USP8: variants seen among roughly 807,000 people sequenced by gnomAD.
USP8 encodes the protein ubiquitin specific peptidase 8.
Under a neutral mutation model 130.0 loss-of-function variants are expected in USP8, and 27 were observed. The observed-to-expected ratio is 0.21, with a 90% CI of 0.15 to 0.29. USP8 has a LOEUF of 0.29. Ranked by LOEUF, USP8 falls within the 10% of genes least tolerant of loss-of-function variation. The probability of loss-of-function intolerance (pLI) is 1.00; values close to 1 mark genes in which losing one functional copy is unlikely to be tolerated. For missense variants in USP8, 1,029 were observed against 1,312.2 expected, an observed-to-expected ratio of 0.78 and a Z score of 3.33; for synonymous variants, 392 against 444.1, an observed-to-expected ratio of 0.88 and a Z score of 1.48.
At chr15:50,479,942 G>A (rs2051705333) in intron 10 of USP8, among the ~76,000 whole-genome samples, 1 of 151,888 alleles carries the variant, frequency 6.6e-6, no homozygotes, top group South Asian at 2.1e-4. Flanking sequence ...TATTTTTTTT[G>A]TAGAGATGGG....
intron 1 of USP8, among the ~76,000 whole-genome samples, chr15:50,437,165 T>C (rs2050116411): frequency 1.3e-5 from 2 of 152,178 alleles, no homozygotes; most frequent in Admixed American, 1.3e-4. Flanking sequence ...CTTAAAACTT[T>C]AAGTACATTT....
intron 16 of USP8, among the ~76,000 whole-genome samples, chr15:50,495,093 A>C (rs1276194807): frequency 2.0e-5 from 3 of 151,716 alleles, no homozygotes; most frequent in Non-Finnish European, 4.4e-5. Flanking sequence ...GCATGTATGT[A>C]TACATAAATG....
At chr15:50,493,819 C>A in intron 15 of USP8, 1 of 628,554 alleles carries the variant, frequency 1.6e-6, no homozygotes, top group Non-Finnish European at 2.9e-6. Flanking sequence ...GGCAGAACCT[C>A]GCTGTCATGA....
At chr15:50,475,220 C>T (rs2051522220) in intron 8 of USP8, among the ~76,000 whole-genome samples, 1 of 152,062 alleles carries the variant, frequency 6.6e-6, no homozygotes, top group South Asian at 2.1e-4. Context: ...ATTCAGAGTA[C>T]ATTCACTGTT....
chr15:50,446,322 C>T (rs1595914531), intron 3 of USP8, among the ~76,000 whole-genome samples: 2 of 152,158 alleles, frequency 1.3e-5, no homozygotes, highest in African/African-American at 4.8e-5. Flanking sequence ...CAGGAAATCT[C>T]ACTAATATTA....
intron 3 of USP8, among the ~76,000 whole-genome samples, chr15:50,443,709 C>T (rs564846926): frequency 3.3e-5 from 5 of 152,058 alleles, no homozygotes; most frequent in Non-Finnish European, 7.4e-5. Flanking sequence ...GTCTTGAACT[C>T]CTGACCTCAT....
intron 3 of USP8, 140 bp downstream of exon 3, chr15:50,441,633 A>G: frequency 1.5e-6 from 1 of 660,462 alleles, no homozygotes; most frequent in Non-Finnish European, 2.4e-6. Context: ...GAAAAAGGGA[A>G]CTAAAGATAC....
At chr15:50,428,957 C>T (rs988626562) in intron 1 of USP8, among the ~76,000 whole-genome samples, 4 of 152,154 alleles carry the variant, frequency 2.6e-5, no homozygotes, top group African/African-American at 7.2e-5. Flanking sequence ...GTAACTGAGA[C>T]GGCCACTTAG....
intron 6 of USP8, among the ~76,000 whole-genome samples, chr15:50,464,206 C>G (rs558162645): frequency 6.6e-6 from 1 of 152,120 alleles, no homozygotes; most frequent in African/African-American, 2.4e-5. Flanking sequence ...CCAGTAAAAA[C>G]AGATGGCCAT....
In USP8 at chr15:50,498,965, A is replaced by G. The variant is rs750845525; in HGVS notation, c.3234A>G (p.Gln1078=). Residue 1078 remains glutamine, a synonymous_variant, in exon 20 of 20, where the codon CAA becomes CAG. Transcript: ENST00000307179. ...CCTATTGTAAAAATGCAGCAAGACA[A>G]CGGTGGTTTAAGTTTGATGATCATG... is the stretch of plus-strand genomic sequence containing the variant. ...YTAYCKNAAR[Q]RWFKFDDHEV... 2.2e-5 allele frequency: 36 copies of G among 1,613,854 alleles called. No individual in the cohort carries two copies. Among genetic ancestry groups the G allele is most frequent in the Middle Eastern group, 3.3e-4 (2 of 6,084 alleles).
In USP8 at chr15:50,509,849, T is replaced by C. The variant is rs2052715260; in HGVS notation, c.*10761T>C. Reference sequence around the variant, plus strand: ...ACCAAAATGACTGAAGAGAAATACATGGCTCACACCTATATTTTTTACAGA... The same window carrying C: ...ACCAAAATGACTGAAGAGAAATACACGGCTCACACCTATATTTTTTACAGA... On this transcript the variant is annotated 3_prime_UTR_variant, in exon 20 of 20. Coordinates refer to ENST00000307179, the MANE Select transcript of USP8 (RefSeq NM_005154.5). 3 of 152,088 alleles carry C rather than the reference T, an allele frequency of 2.0e-5. No homozygotes were observed. The highest frequency in any genetic ancestry group is 2.0e-4 in the Admixed American group (3 of 15,254). The allele number at this position is 152,088 out of a possible 1,614,324, so 9.4% of individuals were successfully genotyped here.
At chr15:50,467,350 A>G (rs968640173) in intron 7 of USP8, among the ~76,000 whole-genome samples, 3 of 152,198 alleles carry the variant, frequency 2.0e-5, no homozygotes, top group East Asian at 1.9e-4. Flanking sequence ...TTAAAGAACA[A>G]TGAAATGCAT....
chr15:50,456,465 C>T (rs773872829), intron 4 of USP8, among the ~76,000 whole-genome samples: 9 of 151,038 alleles, frequency 6.0e-5, no homozygotes, highest in African/African-American at 2.0e-4. Context: ...CCCAGCCACT[C>T]GAGAGGCGGA....
intron 1 of USP8, among the ~76,000 whole-genome samples, chr15:50,425,831 A>G (rs1343095046): frequency 6.6e-6 from 1 of 152,100 alleles, no homozygotes; most frequent in Admixed American, 6.6e-5. Context: ...TTGTTTATTA[A>G]TGTGGACGTG....
intron 4 of USP8, among the ~76,000 whole-genome samples, chr15:50,450,056 G>A (rs1339594997): frequency 1.3e-5 from 2 of 150,562 alleles, no homozygotes; most frequent in Non-Finnish European, 3.0e-5. Context: ...ACCTCACCCG[G>A]CTAATTTTTT....
At position 50,450,462 on chromosome 15, in the gene USP8, CTTTT is replaced by C. The variant is rs35800074; in HGVS notation, c.335+998_335+1001del. ...TTTCAGTTTTTAGTCGTTAGTCATT[CTTTT>C]TTTTTTTTTTTTTTTTTTTTGGAGA... On this transcript the variant is annotated intron_variant, in intron 4 of 19. Transcript: ENST00000307179. 4.9e-3 allele frequency among the ~76,000 whole-genome samples: 393 copies of C among 80,464 alleles called. 3 individuals carry two copies. The highest frequency in any genetic ancestry group is 0.015 in the Middle Eastern group (1 of 68). 52.8% of individuals were successfully genotyped at this position (80,464 alleles called of 152,430 possible).
chr15:50,477,070 G>C (rs1454162591), intron 9 of USP8, 77 bp downstream of exon 9: 1 of 1,550,836 alleles, frequency 6.4e-7, no homozygotes, highest in Middle Eastern at 2.0e-4. Context: ...TAACATTCTT[G>C]GTTGTGTGTG....
In USP8 at chr15:50,476,970, A is replaced by G. The variant is rs1307099388; in HGVS notation, c.971A>G (p.Gln324Arg). 5 of 1,606,734 alleles carry G rather than the reference A, an allele frequency of 3.1e-6. No individual in the cohort carries two copies. Reference protein sequence around the residue: ...NAKVTPPPRRQNEEVSISLDF... With the variant: ...NAKVTPPPRRRNEEVSISLDF... ...AAGGTCACTCCACCCCCACGACGCC[A>G]GAATGAAGAGGTGTCTATCTCATGT... Residue 324 changes from glutamine (Q) to arginine (R), a missense_variant, in exon 9 of 20, where the codon CAG (glutamine) becomes CGG (arginine). Physicochemically the swap from Gln to Arg is conservative, Grantham distance 43. This residue lies in a region of USP8 where 486 missense variants were observed against 522.0 expected (regional missense o/e 0.93). Coordinates refer to ENST00000307179, the MANE Select transcript of USP8 (RefSeq NM_005154.5).
chr15:50,463,728 T>C (rs1463662400), intron 6 of USP8, among the ~76,000 whole-genome samples: 1 of 152,226 alleles, frequency 6.6e-6, no homozygotes, highest in Non-Finnish European at 1.5e-5. Flanking sequence ...AGGAGGACGA[T>C]TGTTAGCAGC....
Sources: allele counts gnomAD v4.1 joint callset (sites outside exome capture counted in the v4.1 genomes callset), GRCh38; gene constraint gnomAD v4.1.1; regional missense constraint gnomAD v4.1.1; transcripts MANE v1.5; gene names NCBI Gene and HGNC (gene_info 2026-07-23, HGNC 2026-07-21).